Variants in LRRFIP2 observed in about 807,000 individuals in gnomAD.
The protein encoded by LRRFIP2 is LRR binding FLII interacting protein 2.
A neutral mutation model predicts 125.9 loss-of-function variants in LRRFIP2; 109 were observed. The ratio of observed to expected loss-of-function variants is 0.87; its 90% CI spans 0.74 to 1.01. The LOEUF is 1.01. LRRFIP2 is among the 50% of genes least tolerant of loss of function. The pLI is 0.00. For missense variants in LRRFIP2, 850 were observed against 862.3 expected (o/e 0.99, Z 0.18); for synonymous variants, 291 against 293.1 (o/e 0.99, Z 0.07).
intron 17 of LRRFIP2, among the ~76,000 whole-genome samples, 176 bp from the exon 18 acceptor site, chr3:37,091,714 G>T (rs1253990580): frequency 6.6e-6 from 1 of 152,120 alleles, no homozygotes; most frequent in Non-Finnish European, 1.5e-5. Context: ...ATAGGTCAGG[G>T]GATAGTGGGA....
At chr3:37,123,482 C>G (rs1032344196) in intron 4 of LRRFIP2, among the ~76,000 whole-genome samples, 2 of 152,278 alleles carry the variant, frequency 1.3e-5, no homozygotes, top group African/African-American at 4.8e-5. Context: ...AGCCACCATG[C>G]CTGGCCACTG....
chr3:37,083,581 G>GT, intron 19 of LRRFIP2, 55 bp downstream of exon 19: 2 of 1,316,118 alleles, frequency 1.5e-6, no homozygotes, highest in Non-Finnish European at 2.1e-6. Context: ...CCATCACTTT[G>GT]TAAGTGGCAG....
chr3:37,104,756 T>G (rs761921774), intron 14 of LRRFIP2, among the ~76,000 whole-genome samples: 4 of 152,238 alleles, frequency 2.6e-5, no homozygotes, highest in Non-Finnish European at 5.9e-5. Flanking sequence ...ACATAGCTAT[T>G]TGTTGCCTCT....
intron 11 of LRRFIP2, 139 bp downstream of exon 11, chr3:37,109,388 G>C (rs973084033): frequency 6.9e-6 from 6 of 875,534 alleles, no homozygotes; most frequent in Non-Finnish European, 1.1e-5. Flanking sequence ...TTTAAGCACA[G>C]GCAGCACATT....
chr3:37,108,614 C>T (rs1299738012), intron 12 of LRRFIP2, 23 bp downstream of exon 12: 1 of 1,591,828 alleles, frequency 6.3e-7, no homozygotes, highest in African/African-American at 1.3e-5. Flanking sequence ...TCCTCTTCAC[C>T]ACCTTCCCCT....
chr3:37,074,915 AAG>A (rs2091808507), intron 20 of LRRFIP2, 107 bp downstream of exon 20: 1 of 717,572 alleles, frequency 1.4e-6, no homozygotes, highest in Non-Finnish European at 2.4e-6. Context: ...GTCAAATATA[AAG>A]AGACAAACTC....
intron 18 of LRRFIP2, among the ~76,000 whole-genome samples, chr3:37,086,494 T>C (rs1234093052): frequency 1.3e-5 from 2 of 152,100 alleles, no homozygotes; most frequent in African/African-American, 2.4e-5. Flanking sequence ...AACTGACAAA[T>C]GGATTAACAA....
chr3:37,148,448 G>A (rs953484873), intron 2 of LRRFIP2, among the ~76,000 whole-genome samples: 12 of 152,104 alleles, frequency 7.9e-5, no homozygotes, highest in African/African-American at 2.4e-4. Flanking sequence ...TAGTAGCTGC[G>A]GAAACGAACT....
At chr3:37,091,675 C>A in intron 17 of LRRFIP2, 137 bp from the exon 18 acceptor site, 1 of 632,362 alleles carries the variant, frequency 1.6e-6, no homozygotes, top group South Asian at 2.2e-5. Context: ...AAAAACATAA[C>A]TCCCACTCCC....
Position 37,054,424 on chromosome 3 carries a change from T to C in LRRFIP2, c.2042A>G (p.Lys681Arg). The C allele has an allele frequency of 6.2e-7, 1 of 1,613,380 alleles. No individual in the cohort carries two copies. The highest frequency in any genetic ancestry group is 8.5e-7 in the Non-Finnish European group (1 of 1,179,446). The change falls in exon 27 of 28, where the codon AAG becomes AGG. Residue 681 changes from lysine to arginine, a missense_variant. Lys to Arg is a conservative substitution (Grantham distance 26). Coordinates refer to ENST00000336686, the MANE Select transcript of LRRFIP2 (RefSeq NM_006309.4). ...TAAAAGAAGTACCTCTCGTTGTAGC[T>C]TCCGTTTTTCTGCTTTCAATTCATC... Reference protein sequence around the residue: ...VEDELKAEKRKLQRELRTALD... With the variant: ...VEDELKAEKRRLQRELRTALD...
intron 19 of LRRFIP2, among the ~76,000 whole-genome samples, chr3:37,081,662 T>C (rs1450011182): frequency 6.6e-6 from 1 of 151,980 alleles, no homozygotes; most frequent in East Asian, 1.9e-4. Context: ...GGTGGGTGGA[T>C]TGCTTGAGCC....
intron 2 of LRRFIP2, among the ~76,000 whole-genome samples, chr3:37,141,337 T>C (rs537539678): frequency 2.2e-4 from 34 of 152,308 alleles, no homozygotes; most frequent in African/African-American, 7.5e-4. Context: ...CCTTTCATGA[T>C]TGGTCCCTAT....
chr3:37,149,866 T>A (rs2095968476), intron 1 of LRRFIP2, among the ~76,000 whole-genome samples: 1 of 151,740 alleles, frequency 6.6e-6, no homozygotes, highest in African/African-American at 2.4e-5. Flanking sequence ...CCAGGCATGG[T>A]GGCGCATGCC....
At chr3:37,150,023 A>AC (rs2095974813) in intron 1 of LRRFIP2, among the ~76,000 whole-genome samples, 1 of 151,298 alleles carries the variant, frequency 6.6e-6, no homozygotes, top group South Asian at 2.1e-4. Context: ...AAACAAACAG[A>AC]CAAAAAAAAC....
chr3:37,086,168 GA>G, intron 18 of LRRFIP2, among the ~76,000 whole-genome samples: 1 of 152,066 alleles, frequency 6.6e-6, no homozygotes, highest in African/African-American at 2.4e-5. Context: ...ACCACAATAA[GA>G]TACCACCACA....
intron 4 of LRRFIP2, among the ~76,000 whole-genome samples, 168 bp downstream of exon 4, chr3:37,127,462 G>A (rs1425513818): frequency 6.6e-6 from 1 of 152,266 alleles, no homozygotes; most frequent in Non-Finnish European, 1.5e-5. Context: ...AAAATGGCAG[G>A]ACTCCAAGTA....
rs1560073947 is a variant in LRRFIP2 at position 37,148,798 on chromosome 3, C to T, written c.90+96G>A. On this transcript the variant is annotated intron_variant, in intron 2 of 27. Coordinates refer to ENST00000336686, the MANE Select transcript of LRRFIP2 (RefSeq NM_006309.4). ...TCTTGCTCATAATAAACATCTGAAA[C>T]TAGTTCAATGAGTAAACGTCTATAT... 53 of 1,312,696 alleles carry T rather than the reference C, an allele frequency of 4.0e-5. 1 individual carries two copies. The East Asian group carries it at 1.2e-3, about 30-fold the overall frequency. 81.3% of individuals were successfully genotyped at this position (1,312,696 alleles called of 1,614,324 possible). A position where few individuals can be genotyped will look rare whatever the true frequency, so the allele number is the denominator to read the frequency against.
At chr3:37,162,155 C>CA (rs71091697) in intron 1 of LRRFIP2, among the ~76,000 whole-genome samples, 27,811 of 74,052 alleles carry the variant, frequency 0.38, 4,808 homozygotes, top group Non-Finnish European at 0.43. Context: ...GACCCTGTCT[C>CA]AAAAAAAAAA....
chr3:37,161,632 C>A (rs1331925002), intron 1 of LRRFIP2, among the ~76,000 whole-genome samples: 1 of 151,982 alleles, frequency 6.6e-6, no homozygotes, highest in Non-Finnish European at 1.5e-5. Context: ...GGAATTAGGG[C>A]TGATGGCTGC....
Sources: allele counts gnomAD v4.1 joint callset (sites outside exome capture counted in the v4.1 genomes callset), GRCh38; gene constraint gnomAD v4.1.1; transcripts MANE v1.5; gene names NCBI Gene and HGNC (gene_info 2026-07-23, HGNC 2026-07-21).